Variants in IRGM observed in about 807,000 individuals in gnomAD.
The protein encoded by IRGM is immunity related GTPase M.
For synonymous variants in IRGM, 98 were observed against 80.6 expected, an observed-to-expected ratio of 1.22 and a Z score of -1.16; for missense variants, 288 against 219.9, an observed-to-expected ratio of 1.31 and a Z score of -1.96.
At chr5:150,897,490 C>A (rs752342721) in intron 3 of IRGM, 11 of 155,094 alleles carry the variant, frequency 7.1e-5, no homozygotes, top group Non-Finnish European at 1.3e-4. Flanking sequence ...TTCCACTACT[C>A]CCAATAAACT....
intron 3 of IRGM, chr5:150,896,007 C>A: frequency 4.3e-6 from 7 of 1,613,496 alleles, no homozygotes; most frequent in Non-Finnish European, 5.9e-6. Context: ...ACATTCGGTA[C>A]ACTCATACGG....
At chr5:150,874,675 C>A (rs1185484454) in intron 1 of IRGM, among the ~76,000 whole-genome samples, 1 of 152,176 alleles carries the variant, frequency 6.6e-6, no homozygotes, top group Non-Finnish European at 1.5e-5. Context: ...GCTGTGCAAG[C>A]TTTTCTGCCA....
chr5:150,891,912 C>G (rs1455573072), intron 3 of IRGM, among the ~76,000 whole-genome samples: 5 of 151,704 alleles, frequency 3.3e-5, no homozygotes, highest in Non-Finnish European at 7.4e-5. Flanking sequence ...GGCAAACTAG[C>G]AAAAAAAGAG....
At chr5:150,870,236 C>A (rs138397405) in intron 1 of IRGM, among the ~76,000 whole-genome samples, 371 of 152,216 alleles carry the variant, frequency 2.4e-3, no homozygotes, top group African/African-American at 8.4e-3. Context: ...CACATAGGTG[C>A]ACATCCCTAA....
intron 3 of IRGM, among the ~76,000 whole-genome samples, chr5:150,886,582 T>C (rs1015829165): frequency 1.3e-5 from 2 of 151,998 alleles, no homozygotes; most frequent in East Asian, 1.9e-4. Context: ...TCAGAGCTCA[T>C]TATTGGTCTG....
intron 3 of IRGM, chr5:150,894,359 GA>G: frequency 6.6e-6 from 1 of 152,364 alleles, no homozygotes; most frequent in Admixed American, 6.5e-5. Flanking sequence ...GGGCTTCAGG[GA>G]AAGGATCACA....
At position 150,875,325 on chromosome 5, in the gene IRGM, T is replaced by G. The variant is rs181700102; in HGVS notation, c.159-2655T>G. 3.0e-4 allele frequency among the ~76,000 whole-genome samples: 45 copies of G among 152,302 alleles called. No homozygotes were observed. In the East Asian group the frequency reaches 7.9e-3, roughly 27 times the overall value. On this transcript the variant is annotated intron_variant and NMD_transcript_variant, in intron 1 of 3. Transcript: ENST00000520549. Reference sequence around the variant, plus strand: ...GGAAAATCTTCCCAGTGGGCAGAACTTTGAGCAGTGCACCTGGCTGTGCAC... The same window carrying G: ...GGAAAATCTTCCCAGTGGGCAGAACGTTGAGCAGTGCACCTGGCTGTGCAC...
intron 3 of IRGM, among the ~76,000 whole-genome samples, chr5:150,882,079 G>A (rs1258526585): frequency 6.6e-6 from 1 of 152,020 alleles, no homozygotes; most frequent in Non-Finnish European, 1.5e-5. Context: ...CTACTCAGGA[G>A]GCTGAGGTGG....
chr5:150,870,364 A>T (rs971770379), intron 1 of IRGM, among the ~76,000 whole-genome samples: 4 of 152,144 alleles, frequency 2.6e-5, no homozygotes, highest in African/African-American at 4.8e-5. Context: ...GACAAAGCTC[A>T]TATCAGTGCT....
chr5:150,900,672 G>C (rs549878992), exon 4 of IRGM: 1 of 151,988 alleles, frequency 6.6e-6, no homozygotes, highest in African/African-American at 2.4e-5. Context: ...GGGTACTTAA[G>C]AAACGTTTGT....
chr5:150,885,212 A>G (rs1754500499), intron 3 of IRGM, among the ~76,000 whole-genome samples: 1 of 152,074 alleles, frequency 6.6e-6, no homozygotes, highest in African/African-American at 2.4e-5. Flanking sequence ...TTTGTTGAAG[A>G]TCAGATGGTC....
At chr5:150,871,712 G>C (rs1754283521) in intron 1 of IRGM, among the ~76,000 whole-genome samples, 1 of 152,208 alleles carries the variant, frequency 6.6e-6, no homozygotes, top group Non-Finnish European at 1.5e-5. Context: ...GACTAAAATA[G>C]TTATTGAAAC....
intron 1 of IRGM, among the ~76,000 whole-genome samples, chr5:150,859,187 T>A (rs1233057471): frequency 1.3e-5 from 2 of 152,246 alleles, no homozygotes; most frequent in Non-Finnish European, 2.9e-5. Context: ...GAGATAATGA[T>A]GTGGTTTTTG....
At position 150,848,392 on chromosome 5, in the gene IRGM, A is replaced by G; in HGVS notation, c.269A>G (p.Asp90Gly). 6.4e-7 allele frequency: 1 copy of G among 1,551,820 alleles called. No individual in the cohort carries two copies. The highest frequency in any genetic ancestry group is 8.7e-7 in the Non-Finnish European group (1 of 1,146,984). ...SSHFSNVVLW[D>G]LPGTGSATTT... ...CACTTTTCAAATGTGGTGTTGTGGG[A>G]CCTGCCTGGCACAGGGTCTGCCACC... The change falls in exon 2 of 2, where the codon GAC becomes GGC. Residue 90 changes from aspartate to glycine, a missense_variant. Transcript: ENST00000522154.
chr5:150,849,647 G>A (rs190039823), downstream of IRGM, among the ~76,000 whole-genome samples: 177 of 130,212 alleles, frequency 1.4e-3, no homozygotes, highest in Admixed American at 3.0e-3. Flanking sequence ...TTGCTCTGTC[G>A]CCAGGCTGGA....
chr5:150,887,853 AAGC>A (rs372020280), intron 3 of IRGM, among the ~76,000 whole-genome samples: 43 of 152,038 alleles, frequency 2.8e-4, no homozygotes, highest in African/African-American at 1.0e-3. Flanking sequence ...GCTAATACCA[AAGC>A]ACTCTTAAAT....
At chr5:150,875,060 C>T (rs942741659) in intron 1 of IRGM, among the ~76,000 whole-genome samples, 3 of 152,156 alleles carry the variant, frequency 2.0e-5, no homozygotes, top group Admixed American at 1.3e-4. Flanking sequence ...TGAAAGCACA[C>T]GTAAGTTACA....
chr5:150,864,188 T>C (rs991186732), intron 1 of IRGM, among the ~76,000 whole-genome samples: 5 of 152,224 alleles, frequency 3.3e-5, no homozygotes, highest in Non-Finnish European at 7.3e-5. Flanking sequence ...TTGATCACTC[T>C]AGCCCTGCCA....
intron 1 of IRGM, among the ~76,000 whole-genome samples, chr5:150,857,226 CCA>C (rs1377239161): frequency 6.6e-6 from 1 of 152,214 alleles, no homozygotes; most frequent in African/African-American, 2.4e-5. Context: ...ATGATGGTTT[CCA>C]GTTTCATCCA....
Sources: gnomAD v4.1 joint callset for allele counts (sites outside exome capture counted in the v4.1 genomes callset) on GRCh38, gnomAD v4.1.1 for gene constraint, MANE v1.5 for transcripts, NCBI Gene and HGNC (gene_info 2026-07-23, HGNC 2026-07-21) for gene names.